NRXN3: variants seen among roughly 807,000 people sequenced by gnomAD.
The protein encoded by NRXN3 is neurexin III.
In NRXN3, 32 loss-of-function variants were observed where a neutral mutation model predicts 137.6. That is an observed-to-expected ratio of 0.23 (90% CI 0.18 to 0.31). The LOEUF is 0.31. Among genes scored for constraint, NRXN3 ranks in the 10% least tolerant of loss-of-function variants. The pLI, the probability that NRXN3 is intolerant of heterozygous loss-of-function variation, is 1.00. For synonymous variants in NRXN3, 798 were observed against 784.5 expected, an observed-to-expected ratio of 1.02 and a Z score of -0.29; for missense variants, 1,574 against 2,062.5, an observed-to-expected ratio of 0.76 and a Z score of 4.59.
At chr14:79,030,049 C>CT (rs779570219) in intron 15 of NRXN3, among the ~76,000 whole-genome samples, 7,058 of 127,990 alleles carry the variant, frequency 0.055, 637 homozygotes, top group African/African-American at 0.18. Context: ...TTCTTTCTTT[C>CT]TTTTTTTTTT....
At chr14:78,309,891 A>T (rs1054946318) in intron 4 of NRXN3, among the ~76,000 whole-genome samples, 5 of 152,150 alleles carry the variant, frequency 3.3e-5, no homozygotes, top group Non-Finnish European at 7.4e-5. Context: ...CTTTTTAAGT[A>T]CATTTTCTAT....
intron 15 of NRXN3, among the ~76,000 whole-genome samples, chr14:79,040,709 C>T (rs1483376437): frequency 2.0e-5 from 3 of 152,056 alleles, no homozygotes; most frequent in Non-Finnish European, 4.4e-5. Flanking sequence ...GCCATTTTTA[C>T]AGTTGAATGC....
At chr14:79,283,163 G>A (rs1417565522) in intron 15 of NRXN3, among the ~76,000 whole-genome samples, 7 of 152,132 alleles carry the variant, frequency 4.6e-5, no homozygotes, top group Non-Finnish European at 1.0e-4. Flanking sequence ...GAGACTGATG[G>A]TTGTTATTGA....
At chr14:78,435,986 G>A (rs1038003162) in intron 4 of NRXN3, among the ~76,000 whole-genome samples, 4 of 152,194 alleles carry the variant, frequency 2.6e-5, no homozygotes, top group African/African-American at 7.2e-5. Context: ...GGAACCCAGA[G>A]CAATTGGAAT....
intron 19 of NRXN3, among the ~76,000 whole-genome samples, chr14:79,792,213 T>C (rs540827544): frequency 6.6e-6 from 1 of 152,162 alleles, no homozygotes; most frequent in East Asian, 1.9e-4. Context: ...AGAAAAAGAC[T>C]ACAAGCTGGG....
At chr14:79,738,302 G>A (rs1448473911) in intron 19 of NRXN3, among the ~76,000 whole-genome samples, 2 of 139,334 alleles carry the variant, frequency 1.4e-5, no homozygotes, top group Non-Finnish European at 3.1e-5. Context: ...AGGCAGAGGG[G>A]GCATTTCCCC....
chr14:78,839,553 G>A (rs1389580113), intron 10 of NRXN3, among the ~76,000 whole-genome samples: 1 of 152,184 alleles, frequency 6.6e-6, no homozygotes, highest in Non-Finnish European at 1.5e-5. Context: ...TGAAGGAGGT[G>A]CAGATCCTGA....
At chr14:78,693,493 A>G (rs936867666) in intron 6 of NRXN3, among the ~76,000 whole-genome samples, 6 of 151,844 alleles carry the variant, frequency 4.0e-5, no homozygotes, top group African/African-American at 7.3e-5. Context: ...ATGATTTGGT[A>G]TGAGCCAGTT....
intron 19 of NRXN3, among the ~76,000 whole-genome samples, chr14:79,740,258 TAAC>T (rs1295098726): frequency 6.6e-6 from 1 of 152,116 alleles, no homozygotes; most frequent in Non-Finnish European, 1.5e-5. Flanking sequence ...TTCTGAAGTA[TAAC>T]AATAGCCTCC....
chr14:79,044,652 C>T (rs2099630148), intron 15 of NRXN3, among the ~76,000 whole-genome samples: 1 of 151,854 alleles, frequency 6.6e-6, no homozygotes, highest in Non-Finnish European at 1.5e-5. Flanking sequence ...TCTGCTTTAC[C>T]AAATACTTCC....
At chr14:78,367,146 T>G (rs1312173692) in intron 4 of NRXN3, among the ~76,000 whole-genome samples, 2 of 152,218 alleles carry the variant, frequency 1.3e-5, no homozygotes, top group African/African-American at 4.8e-5. Flanking sequence ...GAATACTAAC[T>G]AGGGTTTTTC....
At chr14:78,916,690 G>A (rs2099256284) in intron 10 of NRXN3, among the ~76,000 whole-genome samples, 2 of 152,206 alleles carry the variant, frequency 1.3e-5, no homozygotes, top group South Asian at 4.1e-4. Flanking sequence ...TGGAAGCACA[G>A]CAGGTGATAG....
intron 15 of NRXN3, among the ~76,000 whole-genome samples, chr14:79,269,171 T>C (rs2078922137): frequency 6.6e-6 from 1 of 152,162 alleles, no homozygotes; most frequent in South Asian, 2.1e-4. Flanking sequence ...TGCCTCAGCC[T>C]CCCAAGTAGC....
At chr14:79,331,088 G>T (rs764448138) in intron 15 of NRXN3, among the ~76,000 whole-genome samples, 7 of 152,170 alleles carry the variant, frequency 4.6e-5, no homozygotes, top group Admixed American at 2.0e-4. Flanking sequence ...GTCTAGGGAT[G>T]CTAAGGGCAA....
Position 78,892,774 on chromosome 14 carries a change from C to CTGTGTGTGTGTGTGTGTG in NRXN3, c.2276-64447_2276-64430dup, listed in dbSNP as rs58718552. 5.5e-3 allele frequency among the ~76,000 whole-genome samples: 769 copies of CTGTGTGTGTGTGTGTGTG among 140,120 alleles called. 2 individuals are homozygous for CTGTGTGTGTGTGTGTGTG. Among genetic ancestry groups the CTGTGTGTGTGTGTGTGTG allele is most frequent in the Admixed American group, 0.01 (138 of 13,780 alleles). The allele number at this position is 140,120 out of a possible 152,430, so 91.9% of individuals were successfully genotyped here. A position where few individuals can be genotyped will look rare whatever the true frequency, so the allele number is the denominator to read the frequency against. ...AACAACTCGGTAATGCCCCCATCTT[C>CTGTGTGTGTGTGTGTGTG]TGTGTGTGTGTGTGTGTGTGTGTGT... On this transcript the variant is annotated intron_variant, in intron 10 of 20. Coordinates refer to ENST00000335750, the MANE Select transcript of NRXN3 (RefSeq NM_001330195.2).
chr14:78,328,295 T>A (rs187546731), intron 4 of NRXN3, among the ~76,000 whole-genome samples: 1 of 152,300 alleles, frequency 6.6e-6, no homozygotes, highest in African/African-American at 2.4e-5. Flanking sequence ...CAGTTAAAGC[T>A]ATTTCTCAGG....
intron 20 of NRXN3, among the ~76,000 whole-genome samples, chr14:79,846,707 G>C (rs931856013): frequency 6.6e-6 from 1 of 151,960 alleles, no homozygotes; most frequent in Admixed American, 6.6e-5. Flanking sequence ...GCAGATTTTT[G>C]TTGACTCAAT....
intron 16 of NRXN3, among the ~76,000 whole-genome samples, chr14:79,645,184 G>T (rs1213580107): frequency 7.4e-6 from 1 of 134,358 alleles, no homozygotes; most frequent in African/African-American, 2.5e-5. Context: ...TAAATATATT[G>T]TTTCCTGGAG....
At chr14:79,024,000 C>T (rs1049794967) in intron 15 of NRXN3, among the ~76,000 whole-genome samples, 16 of 152,112 alleles carry the variant, frequency 1.1e-4, no homozygotes, top group Non-Finnish European at 2.1e-4. Flanking sequence ...ATATTTTGCA[C>T]TTCCTAAGAA....
Sources: allele counts gnomAD v4.1 joint callset (sites outside exome capture counted in the v4.1 genomes callset), GRCh38; gene constraint gnomAD v4.1.1; transcripts MANE v1.5; gene names NCBI Gene and HGNC (gene_info 2026-07-23, HGNC 2026-07-21).